SIPA1L1: variants seen among roughly 807,000 people sequenced by gnomAD.
SIPA1L1 encodes the protein signal induced proliferation associated 1 like 1, also known as signal-induced proliferation-associated 1-like protein 1.
A neutral mutation model predicts 162.7 loss-of-function variants in SIPA1L1; 26 were observed. The observed-to-expected ratio is 0.16, with a 90% confidence interval of 0.12 to 0.22. The LOEUF (loss-of-function observed/expected upper bound fraction) is 0.22. Among genes scored for constraint, SIPA1L1 ranks in the 10% least tolerant of loss-of-function variants. SIPA1L1 has a pLI of 1.00. For missense variants in SIPA1L1, 1,874 were observed against 2,241.0 expected (o/e 0.84, Z 3.31); for synonymous variants, 829 against 837.4 (o/e 0.99, Z 0.17).
chr14:71,465,350 A>G (rs1034503835), intron 2 of SIPA1L1, among the ~76,000 whole-genome samples: 1 of 152,214 alleles, frequency 6.6e-6, no homozygotes, highest in Non-Finnish European at 1.5e-5. Context: ...GAGGCTCAGT[A>G]TGTGCTTCTG....
At chr14:71,513,676 A>G (rs907368071) in intron 3 of SIPA1L1, among the ~76,000 whole-genome samples, 1 of 152,050 alleles carries the variant, frequency 6.6e-6, no homozygotes, top group African/African-American at 2.4e-5. Context: ...ATTTTTCTAT[A>G]GAAATGGGGT....
At chr14:71,419,006 T>A (rs1344910872) in intron 2 of SIPA1L1, among the ~76,000 whole-genome samples, 1 of 152,200 alleles carries the variant, frequency 6.6e-6, no homozygotes, top group East Asian at 1.9e-4. Flanking sequence ...AGTGAGTAGA[T>A]GATAAGGGAA....
At position 71,577,495 on chromosome 14, in the gene SIPA1L1, A is replaced by C. The variant is rs542620762; in HGVS notation, c.-302-10076A>C. Among the ~76,000 whole-genome samples the C allele has an allele frequency of 7.3e-5, 11 of 151,266 alleles. No individual in the cohort carries two copies. The East Asian group carries it at 2.1e-3, about 29-fold the overall frequency. ...ATGTTCAAATGATTCTCCTGCCTCA[A>C]CCTCCCAAGTAGCTGGGATTACAGG... On this transcript the variant is annotated intron_variant, in intron 4 of 23. Coordinates refer to ENST00000381232, the MANE Select transcript of SIPA1L1 (RefSeq NM_001386936.1).
intron 5 of SIPA1L1, among the ~76,000 whole-genome samples, chr14:71,616,915 C>G (rs1003872157): frequency 1.3e-5 from 2 of 152,118 alleles, no homozygotes; most frequent in African/African-American, 4.8e-5. Context: ...TGCCATGCCA[C>G]CTGCCCATTG....
intron 4 of SIPA1L1, among the ~76,000 whole-genome samples, chr14:71,534,265 G>T (rs947394947): frequency 6.6e-6 from 1 of 152,080 alleles, no homozygotes; most frequent in Admixed American, 6.6e-5. Context: ...GTTTGCATTT[G>T]TATAAATAAT....
At chr14:71,527,848 T>C (rs954091640) in intron 3 of SIPA1L1, among the ~76,000 whole-genome samples, 3 of 152,202 alleles carry the variant, frequency 2.0e-5, no homozygotes, top group Non-Finnish European at 2.9e-5. Flanking sequence ...TATATAGTTA[T>C]GTGGTCTGAG....
chr14:71,522,172 C>G (rs773173092), intron 3 of SIPA1L1, among the ~76,000 whole-genome samples: 4 of 152,102 alleles, frequency 2.6e-5, no homozygotes, highest in Non-Finnish European at 5.9e-5. Context: ...CTTGTGGCTT[C>G]CATTGTTGCT....
intron 5 of SIPA1L1, among the ~76,000 whole-genome samples, chr14:71,606,679 G>A (rs1338911511): frequency 6.6e-6 from 1 of 151,998 alleles, no homozygotes; most frequent in Non-Finnish European, 1.5e-5. Context: ...TGTGGCTCGT[G>A]GGGGATCTCT....
chr14:71,403,752 G>A (rs547228950), intron 2 of SIPA1L1, among the ~76,000 whole-genome samples: 31 of 152,116 alleles, frequency 2.0e-4, no homozygotes, highest in African/African-American at 6.3e-4. Context: ...TTATTGTGAG[G>A]TTATAGTAAA....
chr14:71,559,450 C>G (rs2056611013), intron 4 of SIPA1L1, among the ~76,000 whole-genome samples: 1 of 152,122 alleles, frequency 6.6e-6, no homozygotes, highest in South Asian at 2.1e-4. Flanking sequence ...TATAGATTTT[C>G]CCCTGCCCAG....
At position 71,358,871 on chromosome 14, in the gene SIPA1L1, C is replaced by T. The variant is rs555466310; in HGVS notation, c.-465+37690C>T. ...TATACACTTTTAGATAACCAGATCT[C>T]GTGAGAACTTGAGAACAGCACCAAA... On this transcript the variant is annotated intron_variant, in intron 2 of 23. Coordinates refer to ENST00000381232, the MANE Select transcript of SIPA1L1 (RefSeq NM_001386936.1). Among the ~76,000 whole-genome samples, 23 of 152,136 alleles carry T rather than the reference C, an allele frequency of 1.5e-4. 1 individual carries two copies. Among genetic ancestry groups the T allele is most frequent in the Admixed American group, 9.8e-4 (15 of 15,280 alleles).
At chr14:71,428,799 C>T (rs930499253) in intron 2 of SIPA1L1, among the ~76,000 whole-genome samples, 1 of 152,250 alleles carries the variant, frequency 6.6e-6, no homozygotes, top group East Asian at 1.9e-4. Flanking sequence ...CATCCTGGCT[C>T]TTGCCAGCTG....
chr14:71,554,185 T>C (rs909592743), intron 4 of SIPA1L1, among the ~76,000 whole-genome samples: 3 of 152,226 alleles, frequency 2.0e-5, no homozygotes, highest in Non-Finnish European at 4.4e-5. Context: ...TATTTTTTTT[T>C]CTGAACAAAT....
chr14:71,326,201 C>T (rs570251458), intron 2 of SIPA1L1, among the ~76,000 whole-genome samples: 9 of 151,656 alleles, frequency 5.9e-5, no homozygotes, highest in African/African-American at 2.2e-4. Context: ...TGTGGTTCAG[C>T]GACTTGCTTC....
intron 7 of SIPA1L1, among the ~76,000 whole-genome samples, chr14:71,648,441 G>C (rs1421811173): frequency 1.3e-5 from 2 of 152,164 alleles, no homozygotes; most frequent in Non-Finnish European, 2.9e-5. Flanking sequence ...TTTCTCCCCT[G>C]TGACATTTTC....
In SIPA1L1 at chr14:71,421,052, G is replaced by A. The variant is rs1462419651; in HGVS notation, c.-464-91691G>A. ...TCATGTAATTTGTTGTGGAAGAAAT[G>A]GGGTCATTTGTCCTGTGTCACTTTA... On this transcript the variant is annotated intron_variant, in intron 2 of 23. Transcript: ENST00000381232. 3.3e-5 allele frequency among the ~76,000 whole-genome samples: 5 copies of A among 152,190 alleles called. No homozygotes were observed. In the East Asian group the frequency reaches 9.6e-4, roughly 29 times the overall value.
intron 18 of SIPA1L1, 81 bp from the exon 19 acceptor site, chr14:71,724,589 C>A: frequency 9.0e-7 from 1 of 1,113,210 alleles, no homozygotes; most frequent in Non-Finnish European, 1.3e-6. Flanking sequence ...CTTATATTGA[C>A]TTACATCCTT....
intron 2 of SIPA1L1, among the ~76,000 whole-genome samples, chr14:71,332,964 T>TAAGTAATACTAAAAACTAAAAACTCTAA (rs2034722045): frequency 1.3e-5 from 2 of 152,218 alleles, no homozygotes; most frequent in Non-Finnish European, 2.9e-5. Flanking sequence ...TTAGAGTATT[T>TAAGTAATACTAAAAACTAAAAACTCTAA]GTTTTTAACT....
At chr14:71,468,555 T>C (rs1214301917) in intron 2 of SIPA1L1, among the ~76,000 whole-genome samples, 1 of 152,072 alleles carries the variant, frequency 6.6e-6, no homozygotes, top group Non-Finnish European at 1.5e-5. Flanking sequence ...GGGGATGGTT[T>C]TAAGCCACTC....
Sources: allele counts gnomAD v4.1 joint callset (sites outside exome capture counted in the v4.1 genomes callset), GRCh38; gene constraint gnomAD v4.1.1; transcripts MANE v1.5; gene names NCBI Gene and HGNC (gene_info 2026-07-23, HGNC 2026-07-21).